Variants in LRRC4C observed in about 807,000 individuals in gnomAD.
LRRC4C encodes leucine rich repeat containing 4C.
LRRC4C carries 5 observed loss-of-function variants against 33.6 expected under a neutral mutation model. The observed-to-expected ratio is 0.15, with a 90% CI of 0.08 to 0.31. LRRC4C has a LOEUF of 0.31. Among genes scored for constraint, LRRC4C ranks in the 10% least tolerant of loss-of-function variants. LRRC4C has a pLI of 1.00. For synonymous variants in LRRC4C, 329 were observed against 302.0 expected (o/e 1.09, Z -0.93); for missense variants, 560 against 796.7 (o/e 0.70, Z 3.58).
chr11:41,380,797 AG>A lies in LRRC4C; in HGVS notation c.-496+78633del, dbSNP rs1310400867. 2.0e-5 allele frequency among the ~76,000 whole-genome samples: 3 copies of A among 152,100 alleles called. No homozygotes were observed. The East Asian group carries it at 5.8e-4, about 29-fold the overall frequency. On this transcript the variant is annotated intron_variant, in intron 1 of 6. Transcript: ENST00000528697. Reference sequence around the variant, plus strand: ...GCAGAATCTTGGGTCTACCTTTGTGAGAAGTCCAATAGTAGTCTGTCTGTCT... The same window carrying A: ...GCAGAATCTTGGGTCTACCTTTGTGAAAGTCCAATAGTAGTCTGTCTGTCT...
chr11:40,507,508 T>C (rs1370764731), intron 3 of LRRC4C, among the ~76,000 whole-genome samples: 1 of 152,092 alleles, frequency 6.6e-6, no homozygotes, highest in Non-Finnish European at 1.5e-5. Flanking sequence ...ATAGATACTA[T>C]AATAACCTAT....
chr11:40,935,453 G>A (rs1178302101), intron 1 of LRRC4C, among the ~76,000 whole-genome samples: 1 of 151,940 alleles, frequency 6.6e-6, no homozygotes, highest in Non-Finnish European at 1.5e-5. Flanking sequence ...ATATGACGGT[G>A]GTCTCATAAG....
At chr11:40,383,168 T>C (rs2137371821) in intron 3 of LRRC4C, among the ~76,000 whole-genome samples, 1 of 152,316 alleles carries the variant, frequency 6.6e-6, no homozygotes, top group East Asian at 1.9e-4. Context: ...GTTCTTTGGG[T>C]CCATTCATGT....
chr11:40,605,937 T>C (rs1007875114), intron 3 of LRRC4C, among the ~76,000 whole-genome samples: 1 of 152,076 alleles, frequency 6.6e-6, no homozygotes, highest in African/African-American at 2.4e-5. Flanking sequence ...TCTTCTCTTG[T>C]TTTGGAGTGC....
At chr11:41,281,362 A>G (rs1949673095) in intron 1 of LRRC4C, among the ~76,000 whole-genome samples, 1 of 152,156 alleles carries the variant, frequency 6.6e-6, no homozygotes, top group African/African-American at 2.4e-5. Context: ...TAATTTGTAA[A>G]GATGCAGGCA....
At chr11:41,062,620 CT>C (rs1425553587) in intron 1 of LRRC4C, among the ~76,000 whole-genome samples, 1 of 152,136 alleles carries the variant, frequency 6.6e-6, no homozygotes, top group African/African-American at 2.4e-5. Flanking sequence ...TCTCAATGAA[CT>C]TATAACAATA....
chr11:40,964,724 T>C (rs1380400838), intron 1 of LRRC4C, among the ~76,000 whole-genome samples: 1 of 151,932 alleles, frequency 6.6e-6, no homozygotes, highest in East Asian at 1.9e-4. Flanking sequence ...GGCTGCATAG[T>C]ATTCCATGGT....
intron 1 of LRRC4C, among the ~76,000 whole-genome samples, chr11:41,343,211 A>G (rs1951695252): frequency 1.3e-5 from 2 of 152,202 alleles, no homozygotes; most frequent in Non-Finnish European, 2.9e-5. Flanking sequence ...TTTGGGGACC[A>G]CAATTCAACC....
At chr11:40,747,420 A>G (rs987774096) in intron 2 of LRRC4C, among the ~76,000 whole-genome samples, 1 of 152,204 alleles carries the variant, frequency 6.6e-6, no homozygotes, top group Non-Finnish European at 1.5e-5. Flanking sequence ...CCCCTATGAA[A>G]AAATAATTTA....
At chr11:40,740,381 TAG>T (rs1221196192) in intron 2 of LRRC4C, among the ~76,000 whole-genome samples, 10 of 152,044 alleles carry the variant, frequency 6.6e-5, no homozygotes, top group African/African-American at 1.4e-4. Flanking sequence ...GATATATTAT[TAG>T]AGTTTTAACC....
At chr11:40,171,491 C>T (rs1385407084) in intron 5 of LRRC4C, among the ~76,000 whole-genome samples, 1 of 152,112 alleles carries the variant, frequency 6.6e-6, no homozygotes, top group Non-Finnish European at 1.5e-5. Flanking sequence ...AAATGGTTTA[C>T]ATTGTGTTTG....
intron 1 of LRRC4C, among the ~76,000 whole-genome samples, chr11:41,001,410 A>G (rs1257793797): frequency 6.6e-6 from 1 of 152,192 alleles, no homozygotes; most frequent in Non-Finnish European, 1.5e-5. Context: ...TTCAGTCTAC[A>G]TAAATAAACA....
In LRRC4C at chr11:40,354,285, A is replaced by G. The variant is rs1471704969; in HGVS notation, c.-269-34564T>C. On this transcript the variant is annotated intron_variant, in intron 3 of 6. Coordinates refer to ENST00000528697, the MANE Select transcript of LRRC4C (RefSeq NM_001258419.2). The stretch of plus-strand genomic sequence containing the variant: ...TGACACAAACACCCCTGTGACTACC[A>G]CCACTGAGACTGCACTGGGTTTCAC... Among the ~76,000 whole-genome samples the G allele has an allele frequency of 2.0e-5, 3 of 152,072 alleles. No individual in the cohort carries two copies. The East Asian group carries it at 5.8e-4, about 30-fold the overall frequency.
At chr11:40,865,511 G>GTA (rs68153820) in intron 2 of LRRC4C, among the ~76,000 whole-genome samples, 21,501 of 146,904 alleles carry the variant, frequency 0.15, 1,590 homozygotes, top group Admixed American at 0.2. Flanking sequence ...TCCACAGTGT[G>GTA]TATATATATA....
At chr11:41,345,018 C>G (rs1951759953) in intron 1 of LRRC4C, among the ~76,000 whole-genome samples, 3 of 152,030 alleles carry the variant, frequency 2.0e-5, no homozygotes, top group Admixed American at 2.0e-4. Flanking sequence ...GACTATTAAC[C>G]CATGATGGTT....
chr11:40,930,385 CA>C (rs1405206732), intron 2 of LRRC4C, among the ~76,000 whole-genome samples: 1 of 152,104 alleles, frequency 6.6e-6, no homozygotes. Flanking sequence ...GTCAACTTAC[CA>C]GAAAGAGGAC....
At chr11:41,235,033 T>C (rs1947957117) in intron 1 of LRRC4C, among the ~76,000 whole-genome samples, 1 of 151,840 alleles carries the variant, frequency 6.6e-6, no homozygotes, top group African/African-American at 2.4e-5. Flanking sequence ...CTCAGGAAGA[T>C]ATAAAATGGA....
chr11:40,158,110 G>T (rs1248613388), intron 5 of LRRC4C, among the ~76,000 whole-genome samples: 1 of 152,116 alleles, frequency 6.6e-6, no homozygotes, highest in Admixed American at 6.6e-5. Context: ...AACAGTATTT[G>T]CAGTGACCTG....
intron 5 of LRRC4C, among the ~76,000 whole-genome samples, chr11:40,154,287 C>A (rs1353682385): frequency 1.7e-4 from 19 of 114,188 alleles, no homozygotes; most frequent in African/African-American, 3.5e-4. Context: ...AGCTAAAAAG[C>A]AAAAAAAAAA....
Sources: gnomAD v4.1 joint callset for allele counts (sites outside exome capture counted in the v4.1 genomes callset) on GRCh38, gnomAD v4.1.1 for gene constraint, MANE v1.5 for transcripts, NCBI Gene and HGNC (gene_info 2026-07-23, HGNC 2026-07-21) for gene names.